PCDHA11: variants seen among roughly 807,000 people sequenced by gnomAD.
PCDHA11 encodes protocadherin alpha 11.
In PCDHA11, 61 loss-of-function variants were observed where a neutral mutation model predicts 70.3. The ratio of observed to expected loss-of-function variants is 0.87; its 90% CI spans 0.71 to 1.07. The LOEUF (loss-of-function observed/expected upper bound fraction) is 1.07. Ranked by LOEUF, PCDHA11 falls within the 50% of genes least tolerant of loss-of-function variation. The pLI is 0.00. For missense variants in PCDHA11, 1,324 were observed against 1,237.5 expected (o/e 1.07, Z -1.05); for synonymous variants, 633 against 555.1 (o/e 1.14, Z -1.97).
At chr5:140,966,973 G>T in intron 1 of PCDHA11, 1 of 1,603,054 alleles carries the variant, frequency 6.2e-7, no homozygotes. Flanking sequence ...GGCTTGAGCT[G>T]CGGCGCTTGG....
rs782023174 is a variant in PCDHA11 at position 140,870,968 on chromosome 5, G to A, written c.1865G>A (p.Arg622His). 39 of 1,613,492 alleles carry A rather than the reference G, an allele frequency of 2.4e-5. No homozygotes were observed. Among genetic ancestry groups the A allele is most frequent in the Admixed American group, 2.2e-4 (13 of 59,998 alleles). ...GCGGGCGGCTCGCGCATCCCGTTCC[G>A]CGTGGGGCTGTACACGGGCGAGATA... ...PAAGGSRIPF[R>H]VGLYTGEIST... The change falls in exon 1 of 4, where the codon CGC becomes CAC. Residue 622 changes from arginine (R) to histidine (H), a missense_variant. Transcript: ENST00000398640.
chr5:140,926,885 GAGGGA>G (rs782449015), intron 1 of PCDHA11: 1 of 1,543,482 alleles, frequency 6.5e-7, no homozygotes, highest in Non-Finnish European at 8.7e-7. Context: ...TGGACGCCTA[GAGGGA>G]GGATGGTGGG....
chr5:140,872,164 TC>T (rs1346109895), intron 1 of PCDHA11, among the ~76,000 whole-genome samples: 1 of 151,498 alleles, frequency 6.6e-6, no homozygotes, highest in Non-Finnish European at 1.5e-5. Context: ...GATTTACTTT[TC>T]TTTTTTTTTT....
At chr5:140,964,013 A>G (rs155811) in intron 1 of PCDHA11, among the ~76,000 whole-genome samples, 53,810 of 151,994 alleles carry the variant, frequency 0.35, 9,678 homozygotes, top group East Asian at 0.53. Context: ...TTTTTAATAG[A>G]GAGCTCTTGA....
Position 140,871,324 on chromosome 5 carries a change from T to G in PCDHA11, c.2221T>G (p.Ser741Ala), listed in dbSNP as rs1554165430. 5 of 1,614,048 alleles carry G rather than the reference T, an allele frequency of 3.1e-6. No homozygotes were observed. The highest frequency in any genetic ancestry group is 4.2e-6 in the Non-Finnish European group (5 of 1,180,002). ...GCCGGGGAAGCCCACGCTGGTGTGC[T>G]CCCGCGCGGTGGGGAGCTGGTCATA... Reference protein sequence around the residue: ...CAPGKPTLVCSRAVGSWSYSQ... With the variant: ...CAPGKPTLVCARAVGSWSYSQ... The change falls in exon 1 of 4, where the codon TCC (serine) becomes GCC (alanine). Residue 741 changes from serine to alanine, a missense_variant. Transcript: ENST00000398640.
intron 1 of PCDHA11, chr5:140,927,292 C>G (rs782109776): frequency 1.3e-5 from 21 of 1,614,162 alleles, no homozygotes; most frequent in Non-Finnish European, 1.7e-6. Context: ...GCTGCACATC[C>G]CCGAGTTCCT....
At chr5:140,966,972 T>G (rs1554229007) in intron 1 of PCDHA11, 1 of 1,602,828 alleles carries the variant, frequency 6.2e-7, no homozygotes, top group African/African-American at 1.3e-5. Flanking sequence ...GGGCTTGAGC[T>G]GCGGCGCTTG....
In PCDHA11 at chr5:141,010,171, A is replaced by G. The variant is rs2098416277; in HGVS notation, c.*234A>G. On this transcript the variant is annotated 3_prime_UTR_variant, in exon 4 of 4. Transcript: ENST00000398640. ...CCACTCTGGCTTGTTTTCAGAACCTAAAAAGCAGACCCAAGTTTCCTTTCT... is the reference window on the plus strand; with the variant it reads ...CCACTCTGGCTTGTTTTCAGAACCTGAAAAGCAGACCCAAGTTTCCTTTCT... The G allele has an allele frequency of 3.2e-6, 5 of 1,559,030 alleles. No individual in the cohort carries two copies. Among genetic ancestry groups the G allele is most frequent in the Non-Finnish European group, 4.3e-6 (5 of 1,150,704 alleles).
At chr5:140,937,878 C>G (rs2091818368) in intron 1 of PCDHA11, among the ~76,000 whole-genome samples, 1 of 150,504 alleles carries the variant, frequency 6.6e-6, no homozygotes, top group Admixed American at 6.6e-5. Context: ...CGCCACTGCA[C>G]TCCAGCCTGG....
At chr5:140,985,180 G>A (rs782679962) in intron 3 of PCDHA11, among the ~76,000 whole-genome samples, 1 of 152,028 alleles carries the variant, frequency 6.6e-6, no homozygotes, top group Non-Finnish European at 1.5e-5. Flanking sequence ...CTCGTAATCC[G>A]CCTGCCTCGG....
At chr5:141,008,426 C>T (rs2098375902) in intron 3 of PCDHA11, among the ~76,000 whole-genome samples, 1 of 152,170 alleles carries the variant, frequency 6.6e-6, no homozygotes, top group Non-Finnish European at 1.5e-5. Flanking sequence ...ACTGGGATCA[C>T]TTTGCCCAGA....
rs1350835757 is a variant in PCDHA11, at chr5:141,010,856, A to G, written c.*919A>G. Reference sequence around the variant, plus strand: ...CATAGATTTATTTAAAAAAAGAGAAAGTCTATAGCTATAAATCTTTAAAGA... The same window carrying G: ...CATAGATTTATTTAAAAAAAGAGAAGGTCTATAGCTATAAATCTTTAAAGA... On this transcript the variant is annotated 3_prime_UTR_variant, in exon 4 of 4. Coordinates refer to ENST00000398640, the MANE Select transcript of PCDHA11 (RefSeq NM_018902.5). The G allele has an allele frequency of 1.3e-5, 2 of 153,800 alleles. No homozygotes were observed. Among genetic ancestry groups the G allele is most frequent in the African/African-American group, 2.4e-5 (1 of 41,464 alleles). The allele number at this position is 153,800 out of a possible 1,614,324, so 9.5% of individuals were successfully genotyped here. A position where few individuals can be genotyped will look rare whatever the true frequency, so the allele number is the denominator to read the frequency against.
intron 1 of PCDHA11, among the ~76,000 whole-genome samples, chr5:140,946,707 A>C (rs2094013917): frequency 6.7e-6 from 1 of 150,204 alleles, no homozygotes; most frequent in East Asian, 1.9e-4. Context: ...TCTGGAGGTC[A>C]TTATGTTTAG....
At position 140,884,470 on chromosome 5, in the gene PCDHA11, G is replaced by A. The variant is rs1453696477; in HGVS notation, c.2391+12976G>A. The A allele has an allele frequency of 2.5e-6, 4 of 1,613,644 alleles. No homozygotes were observed. Among genetic ancestry groups the A allele is most frequent in the South Asian group, 2.2e-5 (2 of 91,036 alleles). On this transcript the variant is annotated intron_variant, in intron 1 of 3. Coordinates refer to ENST00000398640, the MANE Select transcript of PCDHA11 (RefSeq NM_018902.5). The stretch of plus-strand genomic sequence containing the variant: ...CGCCCACCGAGGGCGCGTGCGCGCC[G>A]GGCAAGCCCACTCTAGTGTGCTCCA...
intron 1 of PCDHA11, chr5:140,927,041 T>G (rs1242687827): frequency 9.9e-6 from 16 of 1,612,338 alleles, no homozygotes; most frequent in Non-Finnish European, 1.0e-5. Context: ...GCGGCCGCTA[T>G]GTCCTCGCGG....
chr5:140,897,885 C>G (rs1554187646), intron 1 of PCDHA11, among the ~76,000 whole-genome samples: 1 of 152,182 alleles, frequency 6.6e-6, no homozygotes, highest in Non-Finnish European at 1.5e-5. Context: ...GCCATTCTAA[C>G]TGGTGTGAGA....
chr5:140,937,292 C>T (rs575821972), intron 1 of PCDHA11, among the ~76,000 whole-genome samples: 2 of 152,238 alleles, frequency 1.3e-5, no homozygotes, highest in African/African-American at 4.8e-5. Context: ...CCGCTTCGGC[C>T]TCCCAAAGTG....
chr5:140,916,957 T>C (rs1478651535), intron 1 of PCDHA11, among the ~76,000 whole-genome samples: 1 of 152,224 alleles, frequency 6.6e-6, no homozygotes, highest in African/African-American at 2.4e-5. Context: ...TGCTGAGTTC[T>C]GACTGCTGGG....
intron 3 of PCDHA11, among the ~76,000 whole-genome samples, chr5:140,991,746 T>C (rs74524919): frequency 0.01 from 1,537 of 152,318 alleles, 24 homozygotes; most frequent in African/African-American, 0.035. Flanking sequence ...GTAGGCTCTT[T>C]CTATCATGCT....
Sources: gnomAD v4.1 joint callset for allele counts (sites outside exome capture counted in the v4.1 genomes callset) on GRCh38, gnomAD v4.1.1 for gene constraint, MANE v1.5 for transcripts, NCBI Gene and HGNC (gene_info 2026-07-23, HGNC 2026-07-21) for gene names.